Variants in IMPG1 observed in about 807,000 individuals in gnomAD.
IMPG1 encodes interphotoreceptor matrix proteoglycan of 150 kDa.
A neutral mutation model predicts 92.0 loss-of-function variants in IMPG1; 85 were observed. The ratio of observed to expected loss-of-function variants is 0.92; its 90% CI spans 0.78 to 1.11. The LOEUF (loss-of-function observed/expected upper bound fraction) is 1.11. Among genes scored for constraint, IMPG1 ranks in the 50% least tolerant of loss-of-function variants. The pLI is 0.00. For missense variants in IMPG1, 1,022 were observed against 956.0 expected, an observed-to-expected ratio of 1.07 and a Z score of -0.91; for synonymous variants, 367 against 334.1, an observed-to-expected ratio of 1.10 and a Z score of -1.08.
At chr6:75,997,221 T>G (rs1436855090) in intron 12 of IMPG1, among the ~76,000 whole-genome samples, 1 of 152,214 alleles carries the variant, frequency 6.6e-6, no homozygotes, top group Non-Finnish European at 1.5e-5. Flanking sequence ...TGTAGACCTC[T>G]CTGAATAATT....
chr6:75,993,639 C>G (rs749430367), intron 12 of IMPG1, among the ~76,000 whole-genome samples: 2 of 152,164 alleles, frequency 1.3e-5, no homozygotes, highest in African/African-American at 4.8e-5. Context: ...CTTCCAAATA[C>G]CATCACAGTG....
Position 76,005,406 on chromosome 6 carries a change from G to A in IMPG1, c.1016C>T (p.Thr339Ile), listed in dbSNP as rs112474181. 6 of 1,613,952 alleles carry A rather than the reference G, an allele frequency of 3.7e-6. No homozygotes were observed. The African/African-American group carries it at 5.3e-5, about 14-fold the overall frequency. Residue 339 changes from threonine (T) to isoleucine (I), a missense_variant, in exon 10 of 17, where the codon ACC becomes ATC. By Grantham distance (89) the Thr-to-Ile change is moderately conservative. Transcript: ENST00000369950. The part of the protein sequence containing the change: ...KIESEEVYHG[T>I]MEEDKQPEIY... Reference sequence around the variant, plus strand: ...TTCTGGTTGCTTGTCCTCCTCCATGGTTCCATGATAGACTTCCTCACTTTC... The same window carrying A: ...TTCTGGTTGCTTGTCCTCCTCCATGATTCCATGATAGACTTCCTCACTTTC...
At chr6:75,939,924 C>T (rs1781810345) in intron 14 of IMPG1, among the ~76,000 whole-genome samples, 1 of 152,194 alleles carries the variant, frequency 6.6e-6, no homozygotes, top group Admixed American at 6.5e-5. Context: ...GAAGTCTGGC[C>T]TCTCTGCCCT....
At position 75,962,294 on chromosome 6, in the gene IMPG1, A is replaced by T. The variant is rs534567335; in HGVS notation, c.1292-11200T>A. On this transcript the variant is annotated intron_variant, in intron 12 of 16. Coordinates refer to ENST00000369950, the MANE Select transcript of IMPG1 (RefSeq NM_001563.4). ...ACCACCACACCCAGCAATTAAAAAAATTTTTTTTTTATGTAGAAATGGGGG... is the reference window on the plus strand; with the variant it reads ...ACCACCACACCCAGCAATTAAAAAATTTTTTTTTTTATGTAGAAATGGGGG... Among the ~76,000 whole-genome samples the T allele has an allele frequency of 4.5e-3, 674 of 150,020 alleles. 5 individuals carry two copies. Among genetic ancestry groups the T allele is most frequent in the African/African-American group, 0.014 (574 of 40,898 alleles).
chr6:75,993,959 C>A (rs891185927), intron 12 of IMPG1, among the ~76,000 whole-genome samples: 5 of 152,158 alleles, frequency 3.3e-5, no homozygotes, highest in African/African-American at 4.8e-5. Flanking sequence ...CTGTGAGGGG[C>A]TGCAGAGCTC....
At chr6:75,962,595 T>C (rs1782227824) in intron 12 of IMPG1, among the ~76,000 whole-genome samples, 1 of 151,960 alleles carries the variant, frequency 6.6e-6, no homozygotes, top group Non-Finnish European at 1.5e-5. Flanking sequence ...AAATCCAAGA[T>C]AGCAAAACAG....
At position 75,951,047 on chromosome 6, in the gene IMPG1, C is replaced by T; in HGVS notation, c.1339G>A (p.Ala447Thr). 1 of 1,613,574 alleles carries T rather than the reference C, an allele frequency of 6.2e-7. No homozygotes were observed. Among genetic ancestry groups the T allele is most frequent in the Non-Finnish European group, 8.5e-7 (1 of 1,179,714 alleles). Residue 447 changes from alanine to threonine, a missense_variant, in exon 13 of 17, where the codon GCT (alanine) becomes ACT (threonine). This residue lies in a region of IMPG1 where 681 missense variants were observed against 583.6 expected (regional missense o/e 1.17). Transcript: ENST00000369950. Reference protein sequence around the residue: ...PAMASTSLSEAPPFFMASSIF... With the variant: ...PAMASTSLSETPPFFMASSIF... ...CTTGATGCCATAAAGAAAGGTGGAG[C>T]TTCTGACAGGGAGGTAGAGGCCATA...
At chr6:75,966,109 ATCT>A (rs766936485) in intron 12 of IMPG1, among the ~76,000 whole-genome samples, 63 of 152,112 alleles carry the variant, frequency 4.1e-4, no homozygotes, top group Non-Finnish European at 8.5e-4. Context: ...TAGTTAGTCC[ATCT>A]TCTTCTCTTT....
At chr6:76,013,855 C>G (rs780483402) in intron 7 of IMPG1, among the ~76,000 whole-genome samples, 3 of 152,214 alleles carry the variant, frequency 2.0e-5, no homozygotes, top group Non-Finnish European at 4.4e-5. Flanking sequence ...AGATAATCCC[C>G]AAATCACTTA....
chr6:75,974,319 C>CTT (rs1491342339), intron 12 of IMPG1, among the ~76,000 whole-genome samples: 34 of 141,132 alleles, frequency 2.4e-4, no homozygotes, highest in Non-Finnish European at 4.5e-4. Context: ...CTTTCTTTCC[C>CTT]TCTTTCTTTC....
At chr6:76,055,179 T>C (rs1249057142) in intron 1 of IMPG1, among the ~76,000 whole-genome samples, 1 of 151,976 alleles carries the variant, frequency 6.6e-6, no homozygotes, top group Non-Finnish European at 1.5e-5. Flanking sequence ...AAAATTCAAA[T>C]CTGAATACAT....
At chr6:75,975,614 T>C (rs1472741113) in intron 12 of IMPG1, among the ~76,000 whole-genome samples, 2 of 152,212 alleles carry the variant, frequency 1.3e-5, no homozygotes, top group Admixed American at 6.5e-5. Context: ...TGCCATCGAT[T>C]TTCCTTCTGT....
chr6:75,953,947 C>T (rs1004933093), intron 12 of IMPG1, among the ~76,000 whole-genome samples: 1 of 152,236 alleles, frequency 6.6e-6, no homozygotes, highest in Admixed American at 6.5e-5. Flanking sequence ...TGAACTCATC[C>T]TTTGTTATGG....
intron 2 of IMPG1, among the ~76,000 whole-genome samples, chr6:76,037,775 A>G (rs944584766): frequency 6.6e-6 from 1 of 152,238 alleles, no homozygotes; most frequent in Non-Finnish European, 1.5e-5. Context: ...AAAATAAACT[A>G]GCACTGTCTT....
chr6:76,044,528 G>T (rs910158501), intron 1 of IMPG1, among the ~76,000 whole-genome samples: 1 of 152,100 alleles, frequency 6.6e-6, no homozygotes, highest in African/African-American at 2.4e-5. Context: ...TTTGGGGCTG[G>T]TCCTGTTCTT....
At chr6:75,932,160 G>A (rs556149543) in intron 14 of IMPG1, among the ~76,000 whole-genome samples, 39 of 152,354 alleles carry the variant, frequency 2.6e-4, no homozygotes, top group African/African-American at 8.9e-4. Context: ...GGGAAAATGC[G>A]TACAGATAAT....
At chr6:75,986,083 G>A (rs1782712999) in intron 12 of IMPG1, among the ~76,000 whole-genome samples, 1 of 152,084 alleles carries the variant, frequency 6.6e-6, no homozygotes, top group Admixed American at 6.5e-5. Flanking sequence ...TTTGACATGT[G>A]TTCATCATGG....
At chr6:75,962,633 C>A (rs144216481) in intron 12 of IMPG1, among the ~76,000 whole-genome samples, 3 of 152,210 alleles carry the variant, frequency 2.0e-5, no homozygotes, top group Non-Finnish European at 2.9e-5. Context: ...CAGAAGACAG[C>A]GGTCCAAAAG....
chr6:76,052,878 G>A (rs1435802868), intron 1 of IMPG1, among the ~76,000 whole-genome samples: 3 of 152,154 alleles, frequency 2.0e-5, no homozygotes, highest in Non-Finnish European at 4.4e-5. Flanking sequence ...ACTGAGGTAA[G>A]AACAGTTACA....
Sources: allele counts gnomAD v4.1 joint callset (sites outside exome capture counted in the v4.1 genomes callset), GRCh38; gene constraint gnomAD v4.1.1; regional missense constraint gnomAD v4.1.1; transcripts MANE v1.5; gene names NCBI Gene and HGNC (gene_info 2026-07-23, HGNC 2026-07-21).